The following ZNF407 variants were observed in gnomAD, a reference collection of about 807,000 sequenced individuals.
ZNF407 encodes the protein zinc finger protein 407.
Under a neutral mutation model 131.2 loss-of-function variants are expected in ZNF407, and 17 were observed. That is an observed-to-expected ratio of 0.13 (90% CI 0.09 to 0.19). The LOEUF (loss-of-function observed/expected upper bound fraction) is 0.19, where lower values mean the gene tolerates loss of function less well. Ranked by LOEUF, ZNF407 falls within the 10% of genes least tolerant of loss-of-function variation. ZNF407 has a pLI of 1.00. For missense variants in ZNF407, 2,681 were observed against 2,830.6 expected (o/e 0.95, Z 1.20); for synonymous variants, 1,156 against 1,062.0 (o/e 1.09, Z -1.72).
rs140319698 is a variant in ZNF407 at position 74,657,288 on chromosome 18, G to C, written c.4802+16166G>C. ...GATAGTAGAAGGAAAATTTTGTATA[G>C]TATGTATAATTTACACAGGAGTCTT... On this transcript the variant is annotated intron_variant, in intron 3 of 8. Coordinates refer to ENST00000299687, the MANE Select transcript of ZNF407 (RefSeq NM_017757.3). Among the ~76,000 whole-genome samples, 972 of 152,116 alleles carry C rather than the reference G, an allele frequency of 6.4e-3. 12 individuals carry two copies. Among genetic ancestry groups the C allele is most frequent in the African/African-American group, 0.022 (913 of 41,494 alleles).
intron 4 of ZNF407, among the ~76,000 whole-genome samples, chr18:74,783,025 GAAT>G (rs1391474714): frequency 6.6e-6 from 1 of 152,122 alleles, no homozygotes; most frequent in Non-Finnish European, 1.5e-5. Context: ...ATTTTTAAAA[GAAT>G]AATTTGCGAC....
chr18:74,635,040 A>T lies in ZNF407; in HGVS notation c.4021A>T (p.Ile1341Phe). Reference sequence around the variant, plus strand: ...AAGTAGTGATGTCTATGAAACTATAATTAGTATTGATGATAAAGGGCAGGC... The same window carrying T: ...AAGTAGTGATGTCTATGAAACTATATTTAGTATTGATGATAAAGGGCAGGC... ...VESSDVYETI[I>F]SIDDKGQAMY... Residue 1341 changes from isoleucine (I) to phenylalanine (F), a missense_variant, in exon 2 of 9, where the codon ATT becomes TTT. Physicochemically the swap from Ile to Phe is conservative, Grantham distance 21. Coordinates refer to ENST00000299687, the MANE Select transcript of ZNF407 (RefSeq NM_017757.3). The surrounding 1 kb of genome is among the most constrained non-coding windows in gnomAD (Gnocchi z 4.7). 1.9e-6 allele frequency: 3 copies of T among 1,613,954 alleles called. No individual in the cohort carries two copies. Among genetic ancestry groups the T allele is most frequent in the Non-Finnish European group, 2.5e-6 (3 of 1,179,886 alleles).
chr18:74,994,107 T>A (rs540239529), intron 8 of ZNF407, among the ~76,000 whole-genome samples: 1 of 152,310 alleles, frequency 6.6e-6, no homozygotes, highest in African/African-American at 2.4e-5. Flanking sequence ...AGAATATTAG[T>A]GTATCATTTT....
intron 3 of ZNF407, among the ~76,000 whole-genome samples, chr18:74,725,258 C>A (rs990455353): frequency 6.6e-6 from 1 of 152,130 alleles, no homozygotes; most frequent in Non-Finnish European, 1.5e-5. Context: ...AGCTCAGACT[C>A]CCTGAGTAGC....
At chr18:74,641,317 GAGC>G (rs1052139153) in intron 3 of ZNF407, among the ~76,000 whole-genome samples, 195 bp downstream of exon 3, 1 of 152,154 alleles carries the variant, frequency 6.6e-6, no homozygotes, top group African/African-American at 2.4e-5. Context: ...TACTGAAGAT[GAGC>G]AATTTTATGG....
At chr18:75,049,687 C>T (rs1055947547) in intron 8 of ZNF407, among the ~76,000 whole-genome samples, 5 of 152,164 alleles carry the variant, frequency 3.3e-5, no homozygotes, top group Non-Finnish European at 7.4e-5. Context: ...TAGAGCCATG[C>T]AGAATGAACC....
chr18:74,985,927 T>C (rs1325406515), intron 8 of ZNF407, among the ~76,000 whole-genome samples: 1 of 152,200 alleles, frequency 6.6e-6, no homozygotes, highest in Admixed American at 6.5e-5. Flanking sequence ...TGGACTGATA[T>C]GTTTCCCTGA....
chr18:74,851,021 T>G (rs890363354), intron 4 of ZNF407, among the ~76,000 whole-genome samples: 5 of 152,246 alleles, frequency 3.3e-5, no homozygotes, highest in Admixed American at 2.0e-4. Flanking sequence ...TTTTTGCCTG[T>G]CTGCTGTTAC....
rs144601139 is a variant in ZNF407, at chr18:74,837,601, T to A, written c.4878-39596T>A. Among the ~76,000 whole-genome samples, 206 of 152,230 alleles carry A rather than the reference T, an allele frequency of 1.4e-3. 2 individuals are homozygous for A. Among genetic ancestry groups the A allele is most frequent in the African/African-American group, 4.8e-3 (200 of 41,520 alleles). ...AATACTAGAAATTCTAATGCCTATC[T>A]TTGCTGAAGGGCTTTTTTTTTTCTT... On this transcript the variant is annotated intron_variant, in intron 4 of 8. Transcript: ENST00000299687.
In ZNF407 at chr18:75,064,107, A is replaced by G; in HGVS notation, c.6386A>G (p.Gln2129Arg). ...GCCCAGATCATCATGCAGGAGGCGC[A>G]GGGCGAGCACATGGATCTGGTGGAG... is the stretch of plus-strand genomic sequence containing the variant. ...EGAQIIMQEA[Q>R]GEHMDLVESD... Residue 2129 changes from glutamine to arginine, a missense_variant, in exon 9 of 9, where the codon CAG becomes CGG. Transcript: ENST00000299687. 1 of 1,594,396 alleles carries G rather than the reference A, an allele frequency of 6.3e-7. No individual in the cohort carries two copies. The highest frequency in any genetic ancestry group is 1.3e-5 in the African/African-American group (1 of 74,650).
At chr18:74,880,858 C>T (rs776339111) in intron 5 of ZNF407, among the ~76,000 whole-genome samples, 178 bp from the exon 6 acceptor site, 5 of 152,210 alleles carry the variant, frequency 3.3e-5, no homozygotes, top group Non-Finnish European at 5.9e-5. Flanking sequence ...TAATTATGTT[C>T]AGTGGTGCTT....
At chr18:74,994,339 G>C (rs1191063643) in intron 8 of ZNF407, among the ~76,000 whole-genome samples, 1 of 152,184 alleles carries the variant, frequency 6.6e-6, no homozygotes, top group Non-Finnish European at 1.5e-5. Flanking sequence ...TGCCATCCTT[G>C]CAACTTGTAA....
intron 1 of ZNF407, among the ~76,000 whole-genome samples, chr18:74,604,503 G>T (rs1461553209): frequency 6.6e-6 from 1 of 152,178 alleles, no homozygotes; most frequent in Non-Finnish European, 1.5e-5. Context: ...GGTGGTCCTT[G>T]CAATTGTCTA....
At position 75,063,547 on chromosome 18, in the gene ZNF407, C is replaced by T. The variant is rs756052115; in HGVS notation, c.5826C>T (p.Val1942=). 12 of 1,567,816 alleles carry T rather than the reference C, an allele frequency of 7.7e-6. No individual in the cohort carries two copies. Among genetic ancestry groups the T allele is most frequent in the African/African-American group, 5.4e-5 (4 of 73,718 alleles). ...EQLADGATQV[V]VVGGSMEGHG... ...TGGCTGATGGAGCCACCCAGGTGGT[C>T]GTCGTGGGGGGCTCCATGGAAGGCC... Residue 1942 remains valine, a synonymous_variant, in exon 9 of 9, where the codon GTC becomes GTT. Coordinates refer to ENST00000299687, the MANE Select transcript of ZNF407 (RefSeq NM_017757.3). The surrounding 1 kb of genome is among the most constrained non-coding windows in gnomAD (Gnocchi z 6.6).
At chr18:74,996,242 A>T (rs1317928366) in intron 8 of ZNF407, among the ~76,000 whole-genome samples, 1 of 151,920 alleles carries the variant, frequency 6.6e-6, no homozygotes, top group East Asian at 1.9e-4. Flanking sequence ...TTAGTTTTTC[A>T]CAGCGGTGGC....
intron 4 of ZNF407, 56 bp from the exon 5 acceptor site, chr18:74,877,140 GC>G: frequency 6.5e-7 from 1 of 1,532,300 alleles, no homozygotes; most frequent in Non-Finnish European, 9.0e-7. Flanking sequence ...GCTGCCTGGG[GC>G]CTTCGGTGCT....
chr18:74,775,109 C>T (rs925323749), intron 3 of ZNF407, among the ~76,000 whole-genome samples: 2 of 152,066 alleles, frequency 1.3e-5, no homozygotes, highest in East Asian at 1.9e-4. Context: ...AAGGATAAAC[C>T]TTCAACATAA....
intron 3 of ZNF407, among the ~76,000 whole-genome samples, chr18:74,770,370 C>G (rs546145305): frequency 6.6e-6 from 1 of 152,210 alleles, no homozygotes; most frequent in East Asian, 1.9e-4. Context: ...TGTAGTCAGC[C>G]TGGGTAACAG....
intron 3 of ZNF407, among the ~76,000 whole-genome samples, chr18:74,686,121 G>A (rs1967091824): frequency 6.6e-6 from 1 of 152,180 alleles, no homozygotes. Context: ...CTGTGCGAGT[G>A]CCATTGATCT....
Sources: allele counts gnomAD v4.1 joint callset (sites outside exome capture counted in the v4.1 genomes callset), GRCh38; gene constraint gnomAD v4.1.1; non-coding constraint Gnocchi (gnomAD v3.1); transcripts MANE v1.5; gene names NCBI Gene and HGNC (gene_info 2026-07-23, HGNC 2026-07-21).